The following DPP4 variants were observed in gnomAD, a reference collection of about 807,000 sequenced individuals.
The protein encoded by DPP4 is dipeptidyl peptidase 4, also known as ADCP-2.
Under a neutral mutation model 122.4 loss-of-function variants are expected in DPP4, and 93 were observed. The observed-to-expected ratio is 0.76, with a 90% CI of 0.64 to 0.90. The LOEUF (loss-of-function observed/expected upper bound fraction) is 0.90. Among genes scored for constraint, DPP4 ranks in the 40% least tolerant of loss-of-function variants. The pLI is 0.00. For missense variants in DPP4, 914 were observed against 907.3 expected (o/e 1.01, Z -0.09); for synonymous variants, 321 against 302.9 (o/e 1.06, Z -0.62).
intron 22 of DPP4, among the ~76,000 whole-genome samples, chr2:162,006,413 A>T (rs2106082630): frequency 6.6e-6 from 1 of 152,300 alleles, no homozygotes; most frequent in Non-Finnish European, 1.5e-5. Flanking sequence ...TAATAAAAAC[A>T]AATAATTCAG....
chr2:162,057,604 G>A (rs537788505), intron 2 of DPP4, among the ~76,000 whole-genome samples: 10 of 152,242 alleles, frequency 6.6e-5, no homozygotes, highest in East Asian at 1.9e-4. Context: ...CATGCCTCAC[G>A]GAGGTACCAG....
intron 25 of DPP4, 40 bp from the exon 26 acceptor site, chr2:161,993,424 G>A: frequency 7.2e-7 from 1 of 1,387,146 alleles, no homozygotes. Flanking sequence ...TAGGAAGTCA[G>A]TACTCTTCTT....
At chr2:162,034,423 C>T (rs1368101665) in intron 9 of DPP4, among the ~76,000 whole-genome samples, 1 of 151,902 alleles carries the variant, frequency 6.6e-6, no homozygotes, top group Non-Finnish European at 1.5e-5. Flanking sequence ...CCTAAAATGG[C>T]AGCTCTTCAT....
chr2:162,032,837 C>A (rs1683604576), intron 10 of DPP4, among the ~76,000 whole-genome samples: 1 of 152,188 alleles, frequency 6.6e-6, no homozygotes, highest in Non-Finnish European at 1.5e-5. Context: ...GCTGAAGGTG[C>A]TCCATGGCGG....
Position 162,033,575 on chromosome 2 carries a change from T to C in DPP4, c.853A>G (p.Ile285Val). The change falls in exon 10 of 26, where the codon ATA (isoleucine) becomes GTA (valine). Residue 285 changes from isoleucine (I) to valine (V), a missense_variant. By Grantham distance (29) the Ile-to-Val change is conservative (BLOSUM62 3). Coordinates refer to ENST00000360534, the MANE Select transcript of DPP4 (RefSeq NM_001935.4). The stretch of plus-strand genomic sequence containing the variant: ...ATAGAAGCAGGAGCAGTGATTTGTA[T>C]GGAAGTTGCATTGGTGACTGAGCTG... ...SLSSVTNATS[I>V]QITAPASMLI... The C allele has an allele frequency of 1.2e-6, 2 of 1,613,362 alleles. No homozygotes were observed. The highest frequency in any genetic ancestry group is 1.7e-6 in the Non-Finnish European group (2 of 1,179,708).
In DPP4 at chr2:162,026,351, C is replaced by T. The variant is rs184909455; in HGVS notation, c.888-1412G>A. Among the ~76,000 whole-genome samples the T allele has an allele frequency of 4.5e-4, 69 of 152,320 alleles. No homozygotes were observed. In the East Asian group the frequency reaches 9.6e-3, roughly 21 times the overall value. ...ACTGAAACAGGACCGAACCCCTTCA[C>T]TCAGCCGCAGAGCACTGCATTTCTG... On this transcript the variant is annotated intron_variant, in intron 10 of 25. Coordinates refer to ENST00000360534, the MANE Select transcript of DPP4 (RefSeq NM_001935.4).
chr2:162,060,107 C>G (rs1487302932), intron 2 of DPP4, among the ~76,000 whole-genome samples: 1 of 152,246 alleles, frequency 6.6e-6, no homozygotes, highest in African/African-American at 2.4e-5. Context: ...GTTACAATCA[C>G]TCTTCTAAAC....
At chr2:162,024,275 A>C (rs1158106141) in intron 11 of DPP4, among the ~76,000 whole-genome samples, 1 of 152,198 alleles carries the variant, frequency 6.6e-6, no homozygotes, top group African/African-American at 2.4e-5. Flanking sequence ...CAGCACCTCA[A>C]GGTTGGATGA....
rs201527269 is a variant in DPP4, at chr2:162,047,428, C to G, written c.168G>C (p.Lys56Asn). 1.9e-6 allele frequency: 3 copies of G among 1,575,480 alleles called. No homozygotes were observed. The highest frequency in any genetic ancestry group is 2.6e-6 in the Non-Finnish European group (3 of 1,153,750). Residue 56 changes from lysine (K) to asparagine (N), a missense_variant, in exon 3 of 26, where the codon AAG (lysine) becomes AAC (asparagine). Transcript: ENST00000360534. ...TDYLKNTYRL[K>N]LYSLRWISDH... ...CTGAAATCCATCTTAAGGAGTATAACTTCAGTCTATAAGTATTTTTTAAGT... is the reference window on the plus strand; with the variant it reads ...CTGAAATCCATCTTAAGGAGTATAAGTTCAGTCTATAAGTATTTTTTAAGT...
At chr2:162,025,590 C>T (rs1288053966) in intron 10 of DPP4, among the ~76,000 whole-genome samples, 1 of 152,142 alleles carries the variant, frequency 6.6e-6, no homozygotes, top group Non-Finnish European at 1.5e-5. Context: ...GTAGTGCATC[C>T]TCCCCAACAC....
intron 10 of DPP4, among the ~76,000 whole-genome samples, chr2:162,028,146 G>A (rs1299479953): frequency 6.6e-6 from 1 of 151,674 alleles, no homozygotes; most frequent in Admixed American, 6.6e-5. Flanking sequence ...TGGATCATTT[G>A]AGGCCAGGAG....
chr2:162,008,136 C>T (rs1046147370), intron 22 of DPP4, among the ~76,000 whole-genome samples: 1 of 152,084 alleles, frequency 6.6e-6, no homozygotes. Context: ...CAACAACCCC[C>T]CAATGGGTGT....
chr2:162,033,893 T>TATATAC (rs1491588211), intron 9 of DPP4, among the ~76,000 whole-genome samples: 28 of 138,594 alleles, frequency 2.0e-4, no homozygotes, highest in African/African-American at 4.7e-4. Context: ...TATATATATA[T>TATATAC]ACACACTATA....
At chr2:162,057,288 GCTA>G (rs1684611998) in intron 2 of DPP4, among the ~76,000 whole-genome samples, 2 of 152,202 alleles carry the variant, frequency 1.3e-5, no homozygotes, top group African/African-American at 4.8e-5. Context: ...ACCACCACTA[GCTA>G]CTGTTAGGTC....
intron 22 of DPP4, 25 bp from the exon 23 acceptor site, chr2:162,005,834 A>G (rs1328810665): frequency 3.8e-6 from 6 of 1,598,652 alleles, no homozygotes; most frequent in Non-Finnish European, 5.1e-6. Context: ...AAAATAAAAA[A>G]AAGTTTAATT....
At chr2:162,009,220 A>AT in intron 21 of DPP4, 21 bp downstream of exon 21, 1 of 1,612,622 alleles carries the variant, frequency 6.2e-7, no homozygotes, top group South Asian at 1.1e-5. Flanking sequence ...ATGCATACAG[A>AT]TTCATCAGTC....
intron 2 of DPP4, among the ~76,000 whole-genome samples, chr2:162,055,017 A>C (rs1006631679): frequency 2.0e-5 from 3 of 152,214 alleles, no homozygotes; most frequent in African/African-American, 7.2e-5. Flanking sequence ...AAAAGAATAT[A>C]AAAGAGTCTT....
At chr2:162,063,622 G>A (rs1255768673) in intron 2 of DPP4, among the ~76,000 whole-genome samples, 1 of 151,922 alleles carries the variant, frequency 6.6e-6, no homozygotes, top group African/African-American at 2.4e-5. Flanking sequence ...AGAGTGAGAA[G>A]CAACTCCCAA....
chr2:162,030,562 G>A (rs1002604322), intron 10 of DPP4, among the ~76,000 whole-genome samples: 11 of 152,154 alleles, frequency 7.2e-5, no homozygotes, highest in Non-Finnish European at 1.6e-4. Flanking sequence ...GGCTGAGCAG[G>A]TTACTAAGAG....
Sources: allele counts gnomAD v4.1 joint callset (sites outside exome capture counted in the v4.1 genomes callset), GRCh38; gene constraint gnomAD v4.1.1; transcripts MANE v1.5; gene names NCBI Gene and HGNC (gene_info 2026-07-23, HGNC 2026-07-21).